Variants in NUCB2 observed in about 807,000 individuals in gnomAD.
NUCB2 encodes nucleobindin-2.
In NUCB2, 48 loss-of-function variants were observed where a neutral mutation model predicts 57.9. The observed-to-expected ratio is 0.83, with a 90% CI of 0.66 to 1.05. The LOEUF is 1.05. Among genes scored for constraint, NUCB2 ranks in the 50% least tolerant of loss-of-function variants. The pLI is 0.00. For synonymous variants in NUCB2, 139 were observed against 152.1 expected (o/e 0.91, Z 0.64); for missense variants, 442 against 476.2 (o/e 0.93, Z 0.67).
At chr11:17,280,138 A>G (rs1942260020) in intron 1 of NUCB2, among the ~76,000 whole-genome samples, 1 of 152,170 alleles carries the variant, frequency 6.6e-6, no homozygotes, top group Non-Finnish European at 1.5e-5. Context: ...TCTGAAGTAC[A>G]GTATATGTAA....
chr11:17,347,681 A>T (rs889829067), intron 2 of NUCB2, among the ~76,000 whole-genome samples: 2 of 152,190 alleles, frequency 1.3e-5, no homozygotes, highest in Non-Finnish European at 2.9e-5. Context: ...TTTTTTCATG[A>T]TCCAGGATTT....
chr11:17,324,473 G>T (rs571085871), intron 11 of NUCB2, among the ~76,000 whole-genome samples: 57 of 151,528 alleles, frequency 3.8e-4, no homozygotes, highest in African/African-American at 1.3e-3. Context: ...TTGTTCTGTT[G>T]CCCAGGCTAG....
Position 17,321,177 on chromosome 11 carries a change from T to C in NUCB2, c.1002+5702T>C, listed in dbSNP as rs545937191. 8.8e-4 allele frequency among the ~76,000 whole-genome samples: 133 copies of C among 151,848 alleles called. 1 individual carries two copies. The highest frequency in any genetic ancestry group is 1.6e-3 in the Non-Finnish European group (111 of 67,956). ...TGACTATAGTCCCCCTGTTGTACTA[T>C]GAAATACTGGGTTTTATTCATTCTA... On this transcript the variant is annotated intron_variant, in intron 11 of 13. Transcript: ENST00000529010.
chr11:17,330,886 A>G lies in NUCB2; in HGVS notation c.1174-16A>G, dbSNP rs771526669. On this transcript the variant is annotated splice_polypyrimidine_tract_variant and intron_variant, in intron 12 of 13. Coordinates refer to ENST00000529010, the MANE Select transcript of NUCB2 (RefSeq NM_005013.4). The surrounding 1 kb of genome is among the most constrained non-coding windows in gnomAD (Gnocchi z 4.3). ...AAATCAAGTTATACTTTTAACTTTC[A>G]TTTTCCATTCACCAGGTCATACAGC... The G allele has an allele frequency of 6.7e-7, 1 of 1,495,598 alleles. No homozygotes were observed. Among genetic ancestry groups the G allele is most frequent in the Non-Finnish European group, 9.3e-7 (1 of 1,071,908 alleles). The allele number at this position is 1,495,598 out of a possible 1,614,324, so 92.6% of individuals were successfully genotyped here.
At chr11:17,305,133 C>T (rs549354345) in intron 5 of NUCB2, among the ~76,000 whole-genome samples, 9 of 152,174 alleles carry the variant, frequency 5.9e-5, no homozygotes, top group East Asian at 1.9e-4. Flanking sequence ...AGACCAGTTT[C>T]GCCAACATGG....
At position 17,296,148 on chromosome 11, in the gene NUCB2, T is replaced by C. The variant is rs1439736196; in HGVS notation, c.189T>C (p.Asp63=). 6.2e-7 allele frequency: 1 copy of C among 1,612,338 alleles called. No homozygotes were observed. Among genetic ancestry groups the C allele is most frequent in the East Asian group, 2.2e-5 (1 of 44,748 alleles). The change falls in exon 4 of 14, where the codon GAT becomes GAC. Residue 63 remains aspartate (D), a synonymous_variant. Transcript: ENST00000529010. The part of the protein sequence containing the change: ...YYDEYLKQVI[D]VLETDKHFRE... ...ATGAATATCTCAAGCAAGTGATTGA[T>C]GTGCTGGAAACAGATAAACACTTCA... is the stretch of plus-strand genomic sequence containing the variant.
At position 17,296,088 on chromosome 11, in the gene NUCB2, G is replaced by C. The variant is rs931493113; in HGVS notation, c.145-16G>C. ...AAAACCTGCAGAAGCATTACTGTTGGTTTCTTAATTTGAAGGATACTGGAC... is the reference window on the plus strand; with the variant it reads ...AAAACCTGCAGAAGCATTACTGTTGCTTTCTTAATTTGAAGGATACTGGAC... On this transcript the variant is annotated splice_polypyrimidine_tract_variant and intron_variant, in intron 3 of 13. Transcript: ENST00000529010. The C allele has an allele frequency of 6.7e-7, 1 of 1,501,442 alleles. No individual in the cohort carries two copies. Among genetic ancestry groups the C allele is most frequent in the Non-Finnish European group, 9.1e-7 (1 of 1,093,306 alleles). The allele number at this position is 1,501,442 out of a possible 1,614,324, so 93.0% of individuals were successfully genotyped here.
At chr11:17,307,831 A>G (rs184058187) in intron 5 of NUCB2, among the ~76,000 whole-genome samples, 148 of 152,254 alleles carry the variant, frequency 9.7e-4, no homozygotes, top group African/African-American at 3.4e-3. Context: ...ATTTTGATAG[A>G]TATTGCCACA....
At chr11:17,319,991 T>C (rs1299135582) in intron 11 of NUCB2, among the ~76,000 whole-genome samples, 1 of 152,184 alleles carries the variant, frequency 6.6e-6, no homozygotes, top group African/African-American at 2.4e-5. Flanking sequence ...CATGCAGTAT[T>C]TGGTTTTCTG....
At chr11:17,292,772 G>A (rs927098870) in intron 2 of NUCB2, among the ~76,000 whole-genome samples, 2 of 152,216 alleles carry the variant, frequency 1.3e-5, no homozygotes, top group African/African-American at 4.8e-5. Flanking sequence ...CAGAGTCATT[G>A]TAAGAGTTGA....
intron 2 of NUCB2, among the ~76,000 whole-genome samples, chr11:17,346,114 A>C (rs1170183658): frequency 6.6e-6 from 1 of 152,240 alleles, no homozygotes; most frequent in Non-Finnish European, 1.5e-5. Context: ...TATTTGTAAA[A>C]CACCAATATT....
intron 2 of NUCB2, among the ~76,000 whole-genome samples, chr11:17,288,975 T>TTA (rs1944467142): frequency 7.2e-6 from 1 of 138,762 alleles, no homozygotes; most frequent in Non-Finnish European, 1.6e-5. Flanking sequence ...TTTTTTTTTT[T>TTA]GAGATGGAGT....
Position 17,282,839 on chromosome 11 carries a change from G to C in NUCB2, c.-105G>C, listed in dbSNP as rs1220092490. On this transcript the variant is annotated 5_prime_UTR_variant, in exon 2 of 14. Coordinates refer to ENST00000529010, the MANE Select transcript of NUCB2 (RefSeq NM_005013.4). Reference sequence around the variant, plus strand: ...GAAAAAACATTGAGCTAGGAGCCAAGACCCATCTCTTCACTATTTTGGTAT... The same window carrying C: ...GAAAAAACATTGAGCTAGGAGCCAACACCCATCTCTTCACTATTTTGGTAT... 6.6e-6 allele frequency: 1 copy of C among 151,956 alleles called. No individual in the cohort carries two copies. The allele number at this position is 151,956 out of a possible 1,614,324, so 9.4% of individuals were successfully genotyped here.
chr11:17,308,229 G>A (rs1474693175), intron 5 of NUCB2, among the ~76,000 whole-genome samples: 1 of 152,236 alleles, frequency 6.6e-6, no homozygotes. Flanking sequence ...TTTCTCTGAG[G>A]AGCACTGGTT....
chr11:17,311,778 T>C (rs779143710), intron 8 of NUCB2, 94 bp from the exon 9 acceptor site: 5 of 803,130 alleles, frequency 6.2e-6, no homozygotes, highest in Non-Finnish European at 1.0e-5. Context: ...TTCACATCAG[T>C]ACTACTTTTG....
intron 1 of NUCB2, among the ~76,000 whole-genome samples, chr11:17,277,248 T>C (rs1434846020): frequency 6.6e-6 from 1 of 152,194 alleles, no homozygotes; most frequent in African/African-American, 2.4e-5. Context: ...ATCCTGCTCT[T>C]CTCCGGTCTG....
intron 10 of NUCB2, among the ~76,000 whole-genome samples, chr11:17,312,805 C>T (rs774844134): frequency 1.3e-5 from 2 of 151,582 alleles, no homozygotes; most frequent in Non-Finnish European, 2.9e-5. Context: ...CTCCCGGGTT[C>T]AAGTGATTCT....
chr11:17,324,608 A>G (rs2139309386), intron 11 of NUCB2, among the ~76,000 whole-genome samples: 1 of 151,798 alleles, frequency 6.6e-6, no homozygotes, highest in East Asian at 1.9e-4. Context: ...TAACTTCTGT[A>G]TTTTTAGTAG....
At chr11:17,310,202 A>G (rs894276490) in intron 6 of NUCB2, among the ~76,000 whole-genome samples, 5 of 151,822 alleles carry the variant, frequency 3.3e-5, no homozygotes, top group Admixed American at 3.3e-4. Context: ...AGTTTTCTGT[A>G]CTGTCTAGAT....
Sources: allele counts gnomAD v4.1 joint callset (sites outside exome capture counted in the v4.1 genomes callset), GRCh38; gene constraint gnomAD v4.1.1; non-coding constraint Gnocchi (gnomAD v3.1); transcripts MANE v1.5; gene names NCBI Gene and HGNC (gene_info 2026-07-23, HGNC 2026-07-21).